MAP4K2: variants seen among roughly 807,000 people sequenced by gnomAD.
MAP4K2 encodes the protein mitogen-activated protein kinase kinase kinase kinase 2.
In MAP4K2, 85 loss-of-function variants were observed where a neutral mutation model predicts 125.3. That is an observed-to-expected ratio of 0.68 (90% confidence interval 0.57 to 0.81). The LOEUF (loss-of-function observed/expected upper bound fraction) is 0.81, where lower values mean the gene tolerates loss of function less well. MAP4K2 is among the 40% of genes least tolerant of loss of function. The probability of loss-of-function intolerance (pLI) is 0.00; values close to 1 mark genes in which losing one functional copy is unlikely to be tolerated. For synonymous variants in MAP4K2, 479 were observed against 445.1 expected (o/e 1.08, Z -0.96); for missense variants, 923 against 1,056.4 (o/e 0.87, Z 1.75).
At chr11:64,790,594 G>A in intron 27 of MAP4K2, 132 bp from the exon 28 acceptor site, 2 of 778,544 alleles carry the variant, frequency 2.6e-6, no homozygotes, top group South Asian at 1.5e-5. Context: ...CTGTGGGGCT[G>A]GGAAACCTCA....
At position 64,797,613 on chromosome 11, in the gene MAP4K2, C is replaced by T. The variant is rs752304768; in HGVS notation, c.1136+13G>A. On this transcript the variant is annotated intron_variant, in intron 16 of 31. Transcript: ENST00000294066. ...CCTGCCCCTTGCCCCTCCCCCAGGCCCACATCCCTCACCTTTCCTCCAGGG... is the reference window on the plus strand; with the variant it reads ...CCTGCCCCTTGCCCCTCCCCCAGGCTCACATCCCTCACCTTTCCTCCAGGG... 7.6e-6 allele frequency: 12 copies of T among 1,580,002 alleles called. No individual in the cohort carries two copies. The highest frequency in any genetic ancestry group is 1.0e-5 in the Non-Finnish European group (12 of 1,161,998).
In MAP4K2 at chr11:64,796,486, C is replaced by G; in HGVS notation, c.1633+7G>C. 6.2e-7 allele frequency: 1 copy of G among 1,613,924 alleles called. No individual in the cohort carries two copies. The highest frequency in any genetic ancestry group is 1.3e-5 in the African/African-American group (1 of 75,050). On this transcript the variant is annotated splice_region_variant and intron_variant, in intron 23 of 31. Coordinates refer to ENST00000294066, the MANE Select transcript of MAP4K2 (RefSeq NM_004579.5). ...GACCCTGCCTCCCTGCCCATCCCAC[C>G]TTGTACCTGAGAGTGACAGCAGCAC...
chr11:64,800,263 G>T, intron 11 of MAP4K2, 47 bp from the exon 12 acceptor site: 1 of 1,612,560 alleles, frequency 6.2e-7, no homozygotes, highest in Admixed American at 1.7e-5. Context: ...CTGATCCAGG[G>T]CCCTGCTTTT....
At chr11:64,797,769 A>G (rs1231066911) in intron 15 of MAP4K2, 105 bp from the exon 16 acceptor site, 2 of 1,114,696 alleles carry the variant, frequency 1.8e-6, no homozygotes, top group Non-Finnish European at 1.2e-6. Flanking sequence ...GCAGTGGCGC[A>G]ATCGCGGCTC....
chr11:64,797,552 G>A lies in MAP4K2; in HGVS notation c.1137-18C>T, dbSNP rs1465683730. 6.4e-7 allele frequency: 1 copy of A among 1,572,744 alleles called. No individual in the cohort carries two copies. Among genetic ancestry groups the A allele is most frequent in the South Asian group, 1.2e-5 (1 of 85,788 alleles). On this transcript the variant is annotated intron_variant, in intron 16 of 31. Transcript: ENST00000294066. Reference sequence around the variant, plus strand: ...TCAGACTCCTGTGGGAGGGAGATGAGGCGTGAGGCATGAGGTGTGACTGGC... The same window carrying A: ...TCAGACTCCTGTGGGAGGGAGATGAAGCGTGAGGCATGAGGTGTGACTGGC...
rs150108162 is a variant in MAP4K2 at position 64,796,797 on chromosome 11, G to GC, written c.1492+11dup. ...TTCCTTGGGCTCCCGCTTCCTCCCT[G>GC]CCCCCACCTACCCCGAGTAACAGGG... On this transcript the variant is annotated intron_variant, in intron 21 of 31. Transcript: ENST00000294066. 585 of 1,613,582 alleles carry GC rather than the reference G, an allele frequency of 3.6e-4. 1 individual carries two copies. The African/African-American group carries it at 5.9e-3, about 16-fold the overall frequency.
intron 25 of MAP4K2, 29 bp downstream of exon 25, chr11:64,792,335 C>CCCGG: frequency 9.9e-6 from 15 of 1,520,442 alleles, no homozygotes; most frequent in Non-Finnish European, 1.3e-5. Flanking sequence ...CACCAGGCCC[C>CCCGG]GCCCCACCCC....
intron 2 of MAP4K2, 50 bp downstream of exon 2, chr11:64,802,835 G>A (rs552804126): frequency 1.9e-6 from 3 of 1,567,898 alleles, no homozygotes; most frequent in Non-Finnish European, 1.7e-6. Context: ...CCCCGCGCCC[G>A]CGGGCGCTCT....
At position 64,789,447 on chromosome 11, in the gene MAP4K2, C is replaced by G. The variant is rs1325223916; in HGVS notation, c.*90G>C. ...CCCCAGCAGGGCCAGGGCCTGGGCT[C>G]CTCTGGTCTAGGATGGGCCCCTTTG... On this transcript the variant is annotated 3_prime_UTR_variant, in exon 32 of 32. Transcript: ENST00000294066. 2 of 1,165,460 alleles carry G rather than the reference C, an allele frequency of 1.7e-6. No individual in the cohort carries two copies. The highest frequency in any genetic ancestry group is 2.5e-6 in the Non-Finnish European group (2 of 801,534). The allele number at this position is 1,165,460 out of a possible 1,614,324, so 72.2% of individuals were successfully genotyped here.
intron 23 of MAP4K2, 34 bp downstream of exon 23, chr11:64,796,459 C>A (rs746957596): frequency 1.9e-6 from 3 of 1,613,604 alleles, no homozygotes; most frequent in South Asian, 1.1e-5. Context: ...GGAGCCCCTG[C>A]GGACCCTGCC....
At position 64,786,941 on chromosome 11, in the gene MAP4K2, C is replaced by T. The variant is rs1379175603; in HGVS notation, c.*2596G>A. ...TTTTTTTAAAGGGAGATCTTTAACGCAAAACTCTCCAGGATATATACATAT... is the reference window on the plus strand; with the variant it reads ...TTTTTTTAAAGGGAGATCTTTAACGTAAAACTCTCCAGGATATATACATAT... On this transcript the variant is annotated 3_prime_UTR_variant, in exon 32 of 32. Coordinates refer to ENST00000294066, the MANE Select transcript of MAP4K2 (RefSeq NM_004579.5). 1.3e-5 allele frequency: 2 copies of T among 150,898 alleles called. No individual in the cohort carries two copies. The highest frequency in any genetic ancestry group is 2.9e-5 in the Non-Finnish European group (2 of 67,848). 9.3% of individuals were successfully genotyped at this position (150,898 alleles called of 1,614,324 possible).
chr11:64,789,991 C>T (rs1431771392), intron 29 of MAP4K2, 32 bp from the exon 30 acceptor site: 1 of 1,610,298 alleles, frequency 6.2e-7, no homozygotes, highest in Non-Finnish European at 8.5e-7. Flanking sequence ...CAGCCCTGCA[C>T]CCATCTTGGC....
In MAP4K2 at chr11:64,799,597, A is replaced by T. The variant is rs1257582282; in HGVS notation, c.994+8T>A. 4.3e-6 allele frequency: 7 copies of T among 1,614,020 alleles called. No homozygotes were observed. In the South Asian group the frequency reaches 7.7e-5, roughly 18 times the overall value. On this transcript the variant is annotated splice_region_variant and intron_variant, in intron 13 of 31. Transcript: ENST00000294066. ...TCTGCACACACACAGCCCCTGCTGCAGACTCACACTGGATCTCCGAGGGGG... is the reference window on the plus strand; with the variant it reads ...TCTGCACACACACAGCCCCTGCTGCTGACTCACACTGGATCTCCGAGGGGG...
intron 12 of MAP4K2, 59 bp downstream of exon 12, chr11:64,800,050 C>A: frequency 7.2e-7 from 1 of 1,392,440 alleles, no homozygotes; most frequent in Admixed American, 2.0e-5. Flanking sequence ...CCAACATCAC[C>A]CTCGGGCTCT....
intron 5 of MAP4K2, 52 bp downstream of exon 5, chr11:64,802,014 G>A (rs1941212341): frequency 1.3e-6 from 2 of 1,565,112 alleles, no homozygotes; most frequent in African/African-American, 1.4e-5. Context: ...CTGGGCTCCT[G>A]GCCCACAGCT....
At chr11:64,792,488 C>G in intron 24 of MAP4K2, 66 bp from the exon 25 acceptor site, 2 of 1,373,320 alleles carry the variant, frequency 1.5e-6, no homozygotes, top group South Asian at 1.3e-5. Context: ...CTGCAGAGCC[C>G]TATGAGGTGG....
chr11:64,800,298 C>T lies in MAP4K2; in HGVS notation c.807+13G>A, dbSNP rs1170327760. On this transcript the variant is annotated intron_variant, in intron 11 of 31. Coordinates refer to ENST00000294066, the MANE Select transcript of MAP4K2 (RefSeq NM_004579.5). ...TGAGTACTGGGCCTCTCTCCCGGCC[C>T]CCTGCCTCCCACCTGCAGGAGCTTC... 4.3e-6 allele frequency: 7 copies of T among 1,613,764 alleles called. No individual in the cohort carries two copies. In the Admixed American group the frequency reaches 6.7e-5, roughly 15 times the overall value.
chr11:64,794,429 G>A (rs555938233), intron 24 of MAP4K2, among the ~76,000 whole-genome samples: 62 of 151,444 alleles, frequency 4.1e-4, no homozygotes, highest in South Asian at 1.3e-3. Context: ...GTGCGATCTC[G>A]GCTCATTGCA....
In MAP4K2 at chr11:64,797,162, T is replaced by C. The variant is rs561904144; in HGVS notation, c.1307A>G (p.Asn436Ser). 13 of 1,613,968 alleles carry C rather than the reference T, an allele frequency of 8.1e-6. No individual in the cohort carries two copies. The Admixed American group carries it at 1.7e-4, about 21-fold the overall frequency. ...GTLPPPPSGP[N>S]SSPLLPTAWA... is the part of the protein sequence containing the mutation. ...GGCCGTGGGCAGCAGTGGGGAGCTG[T>C]TGGGGCCTGAAGGAGGTGGGGGCAG... Residue 436 changes from asparagine (N) to serine (S), a missense_variant, in exon 19 of 32, where the codon AAC becomes AGC. Coordinates refer to ENST00000294066, the MANE Select transcript of MAP4K2 (RefSeq NM_004579.5).
Sources: gnomAD v4.1 joint callset for allele counts (sites outside exome capture counted in the v4.1 genomes callset) on GRCh38, gnomAD v4.1.1 for gene constraint, MANE v1.5 for transcripts, NCBI Gene and HGNC (gene_info 2026-07-23, HGNC 2026-07-21) for gene names.